Variants in TOGARAM1 observed in about 807,000 individuals in gnomAD.
The protein encoded by TOGARAM1 is TOG array regulator of axonemal microtubules protein 1.
TOGARAM1 carries 100 observed loss-of-function variants against 166.6 expected under a neutral mutation model. The observed-to-expected ratio is 0.60, with a 90% confidence interval of 0.51 to 0.71. The LOEUF is 0.71. Among genes scored for constraint, TOGARAM1 ranks in the 30% least tolerant of loss-of-function variants. TOGARAM1 has a pLI of 0.00. For synonymous variants in TOGARAM1, 758 were observed against 763.8 expected, an observed-to-expected ratio of 0.99 and a Z score of 0.13; for missense variants, 2,029 against 2,102.7, an observed-to-expected ratio of 0.96 and a Z score of 0.69.
At chr14:44,982,069 C>T (rs1291144534) in intron 1 of TOGARAM1, among the ~76,000 whole-genome samples, 2 of 152,134 alleles carry the variant, frequency 1.3e-5, no homozygotes, top group African/African-American at 4.8e-5. Flanking sequence ...TCTTGAACTC[C>T]TGGCCTCAGT....
intron 7 of TOGARAM1, among the ~76,000 whole-genome samples, chr14:45,015,699 G>GT (rs1880092691): frequency 6.6e-6 from 1 of 151,872 alleles, no homozygotes; most frequent in Non-Finnish European, 1.5e-5. Context: ...TGTAGAAGAG[G>GT]TACTATTATC....
intron 1 of TOGARAM1, chr14:44,978,212 A>T (rs954550219): frequency 6.6e-6 from 1 of 152,200 alleles, no homozygotes; most frequent in African/African-American, 2.4e-5. Context: ...TTGGAGCAAA[A>T]TACGAGGTAT....
In TOGARAM1 at chr14:44,975,844, C is replaced by T. The variant is rs549076759; in HGVS notation, c.2046+11377C>T. Among the ~76,000 whole-genome samples the T allele has an allele frequency of 8.8e-5, 13 of 148,382 alleles. No homozygotes were observed. In the East Asian group the frequency reaches 2.6e-3, roughly 29 times the overall value. ...TTTCAAGTGACTCAAAACAACACAG[C>T]TTTGGTATTAGGACAACTCCCTTGT... is the stretch of plus-strand genomic sequence containing the variant. On this transcript the variant is annotated intron_variant, in intron 1 of 19. Transcript: ENST00000361462.
chr14:45,038,320 G>A (rs1229748557), intron 11 of TOGARAM1, among the ~76,000 whole-genome samples: 3 of 152,238 alleles, frequency 2.0e-5, no homozygotes, highest in Non-Finnish European at 4.4e-5. Flanking sequence ...GCCCACTTGG[G>A]CTCTTTCCGC....
At chr14:45,028,465 T>A in intron 10 of TOGARAM1, 136 bp downstream of exon 10, 2 of 858,282 alleles carry the variant, frequency 2.3e-6, no homozygotes, top group Non-Finnish European at 3.6e-6. Flanking sequence ...AGTTCTGCCT[T>A]TAATTAGCTT....
At chr14:45,015,240 A>C (rs568799493) in intron 7 of TOGARAM1, among the ~76,000 whole-genome samples, 1 of 152,122 alleles carries the variant, frequency 6.6e-6, no homozygotes, top group Non-Finnish European at 1.5e-5. Context: ...AGGAGGTTGA[A>C]GCTGCAGAGA....
intron 16 of TOGARAM1, among the ~76,000 whole-genome samples, chr14:45,059,337 C>G (rs887749381): frequency 6.6e-6 from 1 of 152,124 alleles, no homozygotes; most frequent in Admixed American, 6.6e-5. Flanking sequence ...GCCACCACAT[C>G]TGGCTTTAAA....
Position 44,969,110 on chromosome 14 carries a change from T to TTTCCTTCCTTCC in TOGARAM1, c.2046+4670_2046+4681dup, listed in dbSNP as rs369302120. ...GTTTGATACCTCATTTCTTTCTTTC[T>TTTCCTTCCTTCC]TTCCTTCCTTCCTTCCTTCCTTCCT... is the stretch of plus-strand genomic sequence containing the variant. On this transcript the variant is annotated intron_variant, in intron 1 of 19. Transcript: ENST00000361462. Among the ~76,000 whole-genome samples, 319 of 139,172 alleles carry TTTCCTTCCTTCC rather than the reference T, an allele frequency of 2.3e-3. 1 individual carries two copies. Among genetic ancestry groups the TTTCCTTCCTTCC allele is most frequent in the African/African-American group, 7.4e-3 (252 of 34,234 alleles). The allele number at this position is 139,172 out of a possible 152,430, so 91.3% of individuals were successfully genotyped here.
chr14:45,027,718 A>T (rs938121822), intron 9 of TOGARAM1, among the ~76,000 whole-genome samples: 2 of 152,084 alleles, frequency 1.3e-5, no homozygotes, highest in African/African-American at 2.4e-5. Flanking sequence ...GGAAAAATAC[A>T]AAAATGTAGC....
intron 1 of TOGARAM1, among the ~76,000 whole-genome samples, chr14:44,988,702 T>C (rs1348155654): frequency 1.3e-5 from 2 of 152,236 alleles, no homozygotes; most frequent in Non-Finnish European, 2.9e-5. Flanking sequence ...AGCTCATTTC[T>C]AACAACTGAA....
chr14:44,963,305 AC>A lies in TOGARAM1; in HGVS notation c.885del (p.Tyr295Ter), dbSNP rs534440683. The A allele has an allele frequency of 2.5e-6, 4 of 1,614,186 alleles. No homozygotes were observed. Among genetic ancestry groups the A allele is most frequent in the East Asian group, 2.2e-5 (1 of 44,884 alleles). ...CTTGGCCAAGACAGGTTTCAATCTT[AC>A]ATTTCTCGTCTGCCCTCTGCCCTGA... ...ERLGQDRFQSYISRLPSALRR... is the reference protein window; with the variant it reads ...ERLGQDRFQSXISRLPSALRR... On this transcript the variant is annotated frameshift_variant, in exon 1 of 20. Coordinates refer to ENST00000361462, the MANE Select transcript of TOGARAM1 (RefSeq NM_001308120.2). LOFTEE classifies it high-confidence loss of function.
At chr14:45,039,840 C>T (rs971946592) in intron 11 of TOGARAM1, among the ~76,000 whole-genome samples, 8 of 152,226 alleles carry the variant, frequency 5.3e-5, no homozygotes, top group East Asian at 3.9e-4. Flanking sequence ...TCTACTCAGA[C>T]GGGGGCATGG....
chr14:45,039,833 A>C (rs1881633887), intron 11 of TOGARAM1, among the ~76,000 whole-genome samples: 1 of 151,930 alleles, frequency 6.6e-6, no homozygotes, highest in Admixed American at 6.6e-5. Flanking sequence ...TACCCCTTCT[A>C]CTCAGACGGG....
chr14:45,022,605 C>T (rs1880585541), intron 7 of TOGARAM1, among the ~76,000 whole-genome samples: 2 of 151,794 alleles, frequency 1.3e-5, no homozygotes, highest in Admixed American at 1.3e-4. Context: ...ATTTTTCCTT[C>T]TTCGGTGGCT....
At chr14:45,033,092 A>C (rs574508163) in intron 11 of TOGARAM1, among the ~76,000 whole-genome samples, 1 of 152,078 alleles carries the variant, frequency 6.6e-6, no homozygotes, top group Admixed American at 6.6e-5. Context: ...TCTACTAAAA[A>C]TACAAAAAAA....
chr14:45,043,861 A>G (rs992949704), intron 12 of TOGARAM1, 70 bp downstream of exon 12: 2 of 916,228 alleles, frequency 2.2e-6, no homozygotes, highest in South Asian at 1.4e-5. Context: ...TGTTTATTTG[A>G]CCTTTAAAAT....
chr14:45,015,081 A>T lies in TOGARAM1; in HGVS notation c.3238+3006A>T, dbSNP rs1880039043. Among the ~76,000 whole-genome samples the T allele has an allele frequency of 2.0e-5, 3 of 152,094 alleles. 1 individual carries two copies. The South Asian group carries it at 6.2e-4, about 32-fold the overall frequency. ...CACTTTGGGAGGCTGAGGCAGGTGAATCACTTGAGCCCGAGAGTTTGGGAC... is the reference window on the plus strand; with the variant it reads ...CACTTTGGGAGGCTGAGGCAGGTGATTCACTTGAGCCCGAGAGTTTGGGAC... On this transcript the variant is annotated intron_variant, in intron 7 of 19. Coordinates refer to ENST00000361462, the MANE Select transcript of TOGARAM1 (RefSeq NM_001308120.2).
Position 45,000,705 on chromosome 14 carries a change from G to A in TOGARAM1, c.2338+1208G>A, listed in dbSNP as rs192013380. On this transcript the variant is annotated intron_variant, in intron 3 of 19. Transcript: ENST00000361462. ...TTTGATATACTGATTTCCTTCTTTC[G>A]ATATATGCCCAGCAGTGGGATTGCT... 4.9e-3 allele frequency among the ~76,000 whole-genome samples: 748 copies of A among 152,128 alleles called. 2 individuals carry two copies. Among genetic ancestry groups the A allele is most frequent in the Non-Finnish European group, 8.5e-3 (580 of 67,980 alleles).
At chr14:45,027,160 A>T in intron 8 of TOGARAM1, 139 bp from the exon 9 acceptor site, 1 of 772,330 alleles carries the variant, frequency 1.3e-6, no homozygotes, top group Non-Finnish European at 2.1e-6. Context: ...TTGTTTTTAT[A>T]TTTTATAATT....
Sources: gnomAD v4.1 joint callset for allele counts (sites outside exome capture counted in the v4.1 genomes callset) on GRCh38, gnomAD v4.1.1 for gene constraint, MANE v1.5 for transcripts, NCBI Gene and HGNC (gene_info 2026-07-23, HGNC 2026-07-21) for gene names.